Variants in DNAH12 observed in about 807,000 individuals in gnomAD.
DNAH12 encodes the protein axonemal beta dynein heavy chain 12.
In DNAH12, 285 loss-of-function variants were observed where a neutral mutation model predicts 371.5. The ratio of observed to expected loss-of-function variants is 0.77; its 90% CI spans 0.70 to 0.85. The LOEUF is 0.85. DNAH12 is among the 40% of genes least tolerant of loss of function. The pLI is 0.00. For synonymous variants in DNAH12, 1,200 were observed against 1,213.0 expected (o/e 0.99, Z 0.22); for missense variants, 3,611 against 3,689.4 (o/e 0.98, Z 0.55).
chr3:57,295,515 G>C lies in DNAH12; in HGVS notation c.11692+10C>G, dbSNP rs571248483. The C allele has an allele frequency of 6.5e-7, 1 of 1,544,382 alleles. No individual in the cohort carries two copies. The highest frequency in any genetic ancestry group is 2.5e-5 in the East Asian group (1 of 40,736). ...AAACTTCAAATAAATTTTGTTGAGA[G>C]AATATTTACTTGGTTTTATCCATAT... is the stretch of plus-strand genomic sequence containing the variant. On this transcript the variant is annotated intron_variant, in intron 73 of 73. Coordinates refer to ENST00000495027, the MANE Select transcript of DNAH12 (RefSeq NM_001366028.2).
chr3:57,461,469 G>C lies in DNAH12; in HGVS notation c.2736+20C>G. ...CAATCCGTATAAATGACCAAGAGCTGATTATCACATTTAACATACCTTGAT... is the reference window on the plus strand; with the variant it reads ...CAATCCGTATAAATGACCAAGAGCTCATTATCACATTTAACATACCTTGAT... On this transcript the variant is annotated intron_variant, in intron 19 of 73. Transcript: ENST00000495027. The C allele has an allele frequency of 2.6e-6, 4 of 1,549,412 alleles. No homozygotes were observed. The highest frequency in any genetic ancestry group is 3.5e-6 in the Non-Finnish European group (4 of 1,145,462).
At position 57,454,373 on chromosome 3, in the gene DNAH12, G is replaced by A. The variant is rs563487786; in HGVS notation, c.3456+402C>T. ...CACATGCCTGTAATTCCAGCTACTC[G>A]GAAGGCTGAGGCAGGAGAATCACTT... On this transcript the variant is annotated intron_variant, in intron 23 of 73. Coordinates refer to ENST00000495027, the MANE Select transcript of DNAH12 (RefSeq NM_001366028.2). 5.3e-5 allele frequency among the ~76,000 whole-genome samples: 8 copies of A among 151,842 alleles called. No homozygotes were observed. In the East Asian group the frequency reaches 7.8e-4, roughly 15 times the overall value.
At chr3:57,351,108 A>C (rs148313636) in intron 60 of DNAH12, among the ~76,000 whole-genome samples, 1,803 of 152,148 alleles carry the variant, frequency 0.012, 25 homozygotes, top group African/African-American at 0.042. Flanking sequence ...GTCTCTACTA[A>C]AAATACAAAA....
chr3:57,476,401 T>TA (rs1228940363), intron 13 of DNAH12, among the ~76,000 whole-genome samples: 1 of 151,906 alleles, frequency 6.6e-6, no homozygotes, highest in Non-Finnish European at 1.5e-5. Context: ...CCGTCTCTAC[T>TA]AAAAATACAA....
At chr3:57,410,870 T>C (rs2064179926) in intron 39 of DNAH12, among the ~76,000 whole-genome samples, 1 of 151,310 alleles carries the variant, frequency 6.6e-6, no homozygotes, top group Non-Finnish European at 1.5e-5. Flanking sequence ...AAAGGTAACT[T>C]CCTCAACTTG....
At chr3:57,300,523 A>G (rs1377090825) in intron 70 of DNAH12, among the ~76,000 whole-genome samples, 1 of 152,098 alleles carries the variant, frequency 6.6e-6, no homozygotes, top group Admixed American at 6.6e-5. Context: ...ATGAATTGAC[A>G]GTACACACAC....
chr3:57,415,144 A>AGT (rs1329816050), intron 38 of DNAH12, among the ~76,000 whole-genome samples: 2 of 134,588 alleles, frequency 1.5e-5, no homozygotes, highest in Admixed American at 7.3e-5. Flanking sequence ...TGTGTGTGTG[A>AGT]GTGTGTGTGT....
At chr3:57,346,161 A>T (rs1553657958) in intron 60 of DNAH12, among the ~76,000 whole-genome samples, 2 of 152,170 alleles carry the variant, frequency 1.3e-5, no homozygotes, top group South Asian at 4.1e-4. Context: ...GGAACCAAAA[A>T]ATACATACAA....
intron 69 of DNAH12, among the ~76,000 whole-genome samples, chr3:57,306,683 C>T (rs901888668): frequency 6.6e-6 from 1 of 152,176 alleles, no homozygotes; most frequent in African/African-American, 2.4e-5. Context: ...TCCCATCCCA[C>T]AGCACACTTT....
At chr3:57,329,501 CT>C in intron 62 of DNAH12, among the ~76,000 whole-genome samples, 1 of 133,186 alleles carries the variant, frequency 7.5e-6, no homozygotes, top group Non-Finnish European at 1.6e-5. Context: ...GGAAAACTGG[CT>C]AGCCATATGT....
intron 30 of DNAH12, among the ~76,000 whole-genome samples, chr3:57,434,483 G>GTTTT (rs1559654794): frequency 6.6e-6 from 1 of 152,052 alleles, no homozygotes; most frequent in Non-Finnish European, 1.5e-5. Context: ...ATAAATCTTT[G>GTTTT]TTTTTTAAAT....
At chr3:57,302,000 G>C in intron 69 of DNAH12, 61 bp from the exon 70 acceptor site, 1 of 1,406,236 alleles carries the variant, frequency 7.1e-7, no homozygotes, top group South Asian at 1.4e-5. Context: ...GGTCTTTCCA[G>C]AAGAAGAACA....
chr3:57,458,450 G>C (rs2065962810), intron 20 of DNAH12, among the ~76,000 whole-genome samples: 1 of 152,122 alleles, frequency 6.6e-6, no homozygotes, highest in Non-Finnish European at 1.5e-5. Context: ...AGTTATGATT[G>C]TCGTGCATAT....
intron 12 of DNAH12, among the ~76,000 whole-genome samples, chr3:57,486,816 T>C (rs1001853552): frequency 2.0e-5 from 3 of 151,758 alleles, no homozygotes; most frequent in Non-Finnish European, 4.4e-5. Flanking sequence ...TAGGACCCTG[T>C]CTCTAAAGGA....
intron 17 of DNAH12, among the ~76,000 whole-genome samples, chr3:57,463,523 T>G (rs1420358660): frequency 6.6e-6 from 1 of 152,026 alleles, no homozygotes; most frequent in Non-Finnish European, 1.5e-5. Flanking sequence ...ATATGAGTCA[T>G]GTTTTAACTT....
rs2107639121 is a variant in DNAH12, at chr3:57,295,583, A to G, written c.11634T>C (p.Leu3878=). ...GARWDRESGL[L]AEQYPKLLFD... Reference sequence around the variant, plus strand: ...ACAGAAGTTTGGGATATTGTTCAGCAAGCAATCCACTGTAACGAGAAATTG... The same window carrying G: ...ACAGAAGTTTGGGATATTGTTCAGCGAGCAATCCACTGTAACGAGAAATTG... The change falls in exon 73 of 74, where the codon CTT becomes CTC. Residue 3878 remains leucine (L), a synonymous_variant. Coordinates refer to ENST00000495027, the MANE Select transcript of DNAH12 (RefSeq NM_001366028.2). 6.5e-7 allele frequency: 1 copy of G among 1,544,292 alleles called. No homozygotes were observed. The highest frequency in any genetic ancestry group is 8.8e-7 in the Non-Finnish European group (1 of 1,142,816).
intron 12 of DNAH12, among the ~76,000 whole-genome samples, chr3:57,487,342 GGA>G (rs373234443): frequency 3.9e-5 from 4 of 101,714 alleles, no homozygotes; most frequent in African/African-American, 4.0e-5. Context: ...AGGGAGGGAG[GGA>G]GAGAGAGAGA....
At position 57,453,281 on chromosome 3, in the gene DNAH12, A is replaced by G; in HGVS notation, c.3579T>C (p.His1193=). ...TCATGTCCATGACCACATCTCTAGC[A>G]TGGACATCAATAGTAACCAAAGCCC... The part of the protein sequence containing the change: ...TLGALVTIDV[H]ARDVVMDMIK... The change falls in exon 24 of 74, where the codon CAT becomes CAC. Residue 1193 remains histidine (H), a synonymous_variant. Coordinates refer to ENST00000495027, the MANE Select transcript of DNAH12 (RefSeq NM_001366028.2). 3.9e-6 allele frequency: 6 copies of G among 1,543,034 alleles called. No individual in the cohort carries two copies. Among genetic ancestry groups the G allele is most frequent in the Non-Finnish European group, 5.2e-6 (6 of 1,144,858 alleles).
At chr3:57,317,368 A>AAGC (rs1284104465) in intron 65 of DNAH12, among the ~76,000 whole-genome samples, 1 of 152,132 alleles carries the variant, frequency 6.6e-6, no homozygotes, top group Admixed American at 6.6e-5. Context: ...TCCCATTAAT[A>AAGC]AGCAACTCCC....
Sources: gnomAD v4.1 joint callset for allele counts (sites outside exome capture counted in the v4.1 genomes callset) on GRCh38, gnomAD v4.1.1 for gene constraint, MANE v1.5 for transcripts, NCBI Gene and HGNC (gene_info 2026-07-23, HGNC 2026-07-21) for gene names.